Variants in NRXN1 observed in about 807,000 individuals in gnomAD.
The protein encoded by NRXN1 is neurexin-1.
Under a neutral mutation model 150.9 loss-of-function variants are expected in NRXN1, and 39 were observed. The observed-to-expected ratio is 0.26, with a 90% confidence interval of 0.20 to 0.34. The LOEUF (loss-of-function observed/expected upper bound fraction) is 0.34, where lower values mean the gene tolerates loss of function less well. Ranked by LOEUF, NRXN1 falls within the 10% of genes least tolerant of loss-of-function variation. The pLI is 1.00. For missense variants in NRXN1, 1,815 were observed against 1,949.9 expected (o/e 0.93, Z 1.30); for synonymous variants, 924 against 757.0 (o/e 1.22, Z -3.62).
At chr2:50,459,524 C>T (rs917866546) in intron 17 of NRXN1, among the ~76,000 whole-genome samples, 30 of 152,196 alleles carry the variant, frequency 2.0e-4, no homozygotes, top group African/African-American at 6.3e-4. Flanking sequence ...CATGAGTTCA[C>T]GTAGTTTAGC....
chr2:50,806,447 T>C (rs1329285908), intron 5 of NRXN1, among the ~76,000 whole-genome samples: 1 of 152,198 alleles, frequency 6.6e-6, no homozygotes, highest in African/African-American at 2.4e-5. Flanking sequence ...TTATGATTCA[T>C]TTGTCGTATT....
At chr2:50,758,860 G>T (rs1191975500) in intron 5 of NRXN1, among the ~76,000 whole-genome samples, 1 of 151,876 alleles carries the variant, frequency 6.6e-6, no homozygotes, top group Non-Finnish European at 1.5e-5. Flanking sequence ...AATGAGTGTG[G>T]TCTATCCAAC....
chr2:50,188,900 C>G (rs761508956), intron 18 of NRXN1, among the ~76,000 whole-genome samples: 1 of 152,068 alleles, frequency 6.6e-6, no homozygotes, highest in African/African-American at 2.4e-5. Context: ...GAAATAGGAT[C>G]GCTCTTAAAC....
At chr2:50,943,616 G>A (rs1421555029) in intron 2 of NRXN1, among the ~76,000 whole-genome samples, 2 of 152,072 alleles carry the variant, frequency 1.3e-5, no homozygotes, top group East Asian at 3.9e-4. Context: ...ACTGTGCCCT[G>A]GGAAATATCC....
chr2:50,503,502 T>C (rs756577224), intron 13 of NRXN1, among the ~76,000 whole-genome samples: 44 of 144,492 alleles, frequency 3.0e-4, no homozygotes, highest in Non-Finnish European at 7.6e-5. Context: ...CAATAGTGGG[T>C]CTACAACAAT....
intron 8 of NRXN1, among the ~76,000 whole-genome samples, chr2:50,557,628 C>T (rs1003549400): frequency 6.6e-6 from 1 of 152,166 alleles, no homozygotes; most frequent in Non-Finnish European, 1.5e-5. Context: ...ATTAAGGTTA[C>T]TGTAAATAAT....
intron 19 of NRXN1, among the ~76,000 whole-genome samples, chr2:50,078,374 CA>C (rs5831077): frequency 1.9e-4 from 28 of 147,440 alleles, no homozygotes; most frequent in Admixed American, 2.0e-4. Flanking sequence ...ACTCTTATTT[CA>C]AAAAAAAAAA....
chr2:50,415,955 C>CAAAA (rs10585013), intron 17 of NRXN1, among the ~76,000 whole-genome samples: 1 of 88,812 alleles, frequency 1.1e-5, no homozygotes, highest in Admixed American at 1.2e-4. Context: ...CAACAACATA[C>CAAAA]AAAAAAAAAA....
chr2:50,529,813 G>C (rs1000420824), intron 11 of NRXN1, among the ~76,000 whole-genome samples: 1 of 152,088 alleles, frequency 6.6e-6, no homozygotes, highest in African/African-American at 2.4e-5. Flanking sequence ...CGTCACTAGA[G>C]GGTACTCTAA....
intron 21 of NRXN1, chr2:49,945,200 G>C (rs982732753): frequency 1.4e-4 from 22 of 152,028 alleles, no homozygotes; most frequent in African/African-American, 5.3e-4. Context: ...CATGCATTTT[G>C]CTGCTGCTAT....
chr2:50,943,880 A>T (rs1465674508), intron 2 of NRXN1, among the ~76,000 whole-genome samples: 1 of 152,204 alleles, frequency 6.6e-6, no homozygotes, highest in African/African-American at 2.4e-5. Flanking sequence ...GTATTTCCTC[A>T]TCCTAAGCAA....
Position 50,173,120 on chromosome 2 carries a change from A to T in NRXN1, c.3546+63669T>A, listed in dbSNP as rs73932968. ...GTATCTTGTAGTCCAAGAGGTAAGT[A>T]ATCGGAACTGTCAGGACAAACTCTT... On this transcript the variant is annotated intron_variant, in intron 18 of 22. Coordinates refer to ENST00000401669, the MANE Select transcript of NRXN1 (RefSeq NM_001330078.2). Among the ~76,000 whole-genome samples the T allele has an allele frequency of 8.9e-3, 1,353 of 152,332 alleles. 21 individuals are homozygous for T. The highest frequency in any genetic ancestry group is 0.031 in the African/African-American group (1,294 of 41,572).
intron 18 of NRXN1, among the ~76,000 whole-genome samples, chr2:50,204,786 A>G (rs1427839399): frequency 6.6e-6 from 1 of 152,056 alleles, no homozygotes; most frequent in Non-Finnish European, 1.5e-5. Context: ...AAAAATAACC[A>G]AATGGCAAGC....
intron 21 of NRXN1, among the ~76,000 whole-genome samples, chr2:49,985,526 AGTC>A (rs1680757419): frequency 6.6e-6 from 1 of 152,202 alleles, no homozygotes; most frequent in South Asian, 2.1e-4. Context: ...GCTTTATTTC[AGTC>A]GTCATTTGTG....
chr2:50,611,680 G>A (rs1413132643), intron 8 of NRXN1, among the ~76,000 whole-genome samples: 1 of 152,182 alleles, frequency 6.6e-6, no homozygotes, highest in Non-Finnish European at 1.5e-5. Context: ...TTCCAAATGT[G>A]TTTTCTGTGC....
chr2:50,620,384 T>C (rs1679797335), intron 7 of NRXN1, among the ~76,000 whole-genome samples: 1 of 152,174 alleles, frequency 6.6e-6, no homozygotes, highest in African/African-American at 2.4e-5. Flanking sequence ...TATTCTTAGA[T>C]TCTATTCAAC....
chr2:50,015,454 T>A (rs74946527), intron 21 of NRXN1, among the ~76,000 whole-genome samples: 1 of 118,024 alleles, frequency 8.5e-6, no homozygotes, highest in Non-Finnish European at 1.6e-5. Context: ...GAGAATAACA[T>A]AGAAATGATT....
intron 17 of NRXN1, among the ~76,000 whole-genome samples, chr2:50,292,359 C>T (rs2152945290): frequency 6.6e-6 from 1 of 152,184 alleles, no homozygotes; most frequent in Non-Finnish European, 1.5e-5. Context: ...GACTTATCAC[C>T]CCAAATCCTA....
chr2:50,363,586 AAAC>A (rs1392023665), intron 17 of NRXN1, among the ~76,000 whole-genome samples: 1 of 152,190 alleles, frequency 6.6e-6, no homozygotes. Flanking sequence ...AAAAGTCAGG[AAAC>A]AACAGATGCT....
Sources: gnomAD v4.1 joint callset for allele counts (sites outside exome capture counted in the v4.1 genomes callset) on GRCh38, gnomAD v4.1.1 for gene constraint, MANE v1.5 for transcripts, NCBI Gene and HGNC (gene_info 2026-07-23, HGNC 2026-07-21) for gene names.